The following BRWD1 variants were observed in gnomAD, a reference collection of about 807,000 sequenced individuals.
BRWD1 encodes the protein bromodomain and WD repeat domain containing 1, also known as bromodomain and WD repeat-containing protein 1.
Under a neutral mutation model 251.2 loss-of-function variants are expected in BRWD1, and 82 were observed. The observed-to-expected ratio is 0.33, with a 90% CI of 0.27 to 0.39. The LOEUF (loss-of-function observed/expected upper bound fraction) is 0.39. BRWD1 is among the 10% of genes least tolerant of loss of function. The pLI is 1.00. For synonymous variants in BRWD1, 918 were observed against 902.8 expected, an observed-to-expected ratio of 1.02 and a Z score of -0.30; for missense variants, 2,233 against 2,711.6, an observed-to-expected ratio of 0.82 and a Z score of 3.92.
chr21:39,314,119 G>A (rs1381217755), upstream of BRWD1: 1 of 456,014 alleles, frequency 2.2e-6, no homozygotes, highest in South Asian at 1.5e-5. Flanking sequence ...AGTGCGTCTT[G>A]CCCCGCACGG....
At chr21:39,278,104 C>G (rs1395485453) in intron 10 of BRWD1, among the ~76,000 whole-genome samples, 3 of 152,114 alleles carry the variant, frequency 2.0e-5, no homozygotes, top group Admixed American at 2.0e-4. Flanking sequence ...CCATCTCGGC[C>G]TCCCAAAGGA....
intron 8 of BRWD1, among the ~76,000 whole-genome samples, chr21:39,283,972 A>G (rs1568950826): frequency 6.6e-6 from 1 of 152,170 alleles, no homozygotes; most frequent in Non-Finnish European, 1.5e-5. Context: ...CTACAATCTC[A>G]TGTGTCTACT....
intron 4 of BRWD1, among the ~76,000 whole-genome samples, chr21:39,306,012 T>C (rs2036275342): frequency 1.3e-5 from 2 of 151,738 alleles, no homozygotes; most frequent in South Asian, 4.2e-4. Flanking sequence ...CAGTCCAGCC[T>C]GGACAACAAG....
chr21:39,213,636 C>G (rs2032758524), intron 32 of BRWD1, 83 bp from the exon 33 acceptor site: 3 of 913,170 alleles, frequency 3.3e-6, no homozygotes, highest in Non-Finnish European at 5.1e-6. Flanking sequence ...AAAATATAAA[C>G]AGTTCACCAA....
chr21:39,313,374 C>CCGGGGGAGT, intron 1 of BRWD1, 69 bp downstream of exon 1: 1 of 1,492,752 alleles, frequency 6.7e-7, no homozygotes. Flanking sequence ...GCCGGGGGAG[C>CCGGGGGAGT]CCGGGGAGCC....
intron 21 of BRWD1, among the ~76,000 whole-genome samples, chr21:39,240,903 T>TC (rs1182047603): frequency 6.6e-6 from 1 of 151,588 alleles, no homozygotes; most frequent in African/African-American, 2.4e-5. Context: ...AGTAAATCTT[T>TC]TTTTTTTTGT....
intron 19 of BRWD1, among the ~76,000 whole-genome samples, chr21:39,253,855 C>CA (rs1405403108): frequency 6.6e-6 from 1 of 152,340 alleles, no homozygotes; most frequent in Non-Finnish European, 1.5e-5. Flanking sequence ...GTTTCCATTT[C>CA]AATAACTCAA....
Position 39,258,550 on chromosome 21 carries a change from T to C in BRWD1, c.2008A>G (p.Met670Val), listed in dbSNP as rs1294544934. The change falls in exon 18 of 41, where the codon ATG (methionine) becomes GTG (valine). Residue 670 changes from methionine to valine, a missense_variant. Met to Val is a conservative substitution (Grantham distance 21). This residue lies in a region of BRWD1 where 73 missense variants were observed against 68.1 expected (regional missense o/e 1.07). Transcript: ENST00000342449. ...RQLQQQQDQR[M>V]GADQDTIPRG... is the part of the protein sequence containing the mutation. ...GGAATAGTATCCTGATCTGCTCCCATTCTCTGATCTTGCTGCTGCTGCAAC... is the reference window on the plus strand; with the variant it reads ...GGAATAGTATCCTGATCTGCTCCCACTCTCTGATCTTGCTGCTGCTGCAAC... The C allele has an allele frequency of 6.8e-6, 11 of 1,613,454 alleles. No homozygotes were observed. Among genetic ancestry groups the C allele is most frequent in the Admixed American group, 3.3e-5 (2 of 59,938 alleles).
chr21:39,202,629 TATC>T, intron 37 of BRWD1, 84 bp from the exon 38 acceptor site: 1 of 843,612 alleles, frequency 1.2e-6, no homozygotes, highest in Non-Finnish European at 1.8e-6. Context: ...AATAGAAGTA[TATC>T]ATATTTCTTA....
chr21:39,280,066 A>C (rs547031747), intron 9 of BRWD1, 82 bp downstream of exon 9: 12 of 1,043,570 alleles, frequency 1.1e-5, no homozygotes, highest in Admixed American at 9.2e-5. Context: ...ACAATTTCTC[A>C]TAACAATAAA....
Position 39,213,562 on chromosome 21 carries a change from C to G in BRWD1, c.3786-9G>C, listed in dbSNP as rs78657421. The G allele has an allele frequency of 2.1e-3, 3,347 of 1,578,314 alleles. 52 individuals carry two copies. In the East Asian group the frequency reaches 0.037, roughly 17 times the overall value. On this transcript the variant is annotated splice_polypyrimidine_tract_variant and intron_variant, in intron 32 of 40. Coordinates refer to ENST00000342449, the MANE Select transcript of BRWD1 (RefSeq NM_033656.4). Reference sequence around the variant, plus strand: ...TTGTACAGTGTTGATTCCTAAAAAACAAATTTTCACTTTAATAGTATGCAG... The same window carrying G: ...TTGTACAGTGTTGATTCCTAAAAAAGAAATTTTCACTTTAATAGTATGCAG...
intron 4 of BRWD1, among the ~76,000 whole-genome samples, chr21:39,306,072 CTTTTTT>C (rs1294724280): frequency 7.3e-6 from 1 of 136,408 alleles, no homozygotes; most frequent in African/African-American, 2.7e-5. Context: ...CTTTAAGTAT[CTTTTTT>C]TTTTTTTTTT....
intron 4 of BRWD1, among the ~76,000 whole-genome samples, chr21:39,304,737 GAA>G (rs910778281): frequency 2.0e-5 from 3 of 152,158 alleles, no homozygotes; most frequent in African/African-American, 7.2e-5. Context: ...GAAAAGGACA[GAA>G]AAAGATACAC....
intron 4 of BRWD1, among the ~76,000 whole-genome samples, chr21:39,309,288 G>GA (rs112335234): frequency 0.62 from 90,776 of 147,148 alleles, 28,008 homozygotes; most frequent in African/African-American, 0.67. Context: ...TTCTCTAGGG[G>GA]AAAAAAAAAA....
At chr21:39,213,914 A>G (rs1273093590) in intron 32 of BRWD1, among the ~76,000 whole-genome samples, 2 of 149,814 alleles carry the variant, frequency 1.3e-5, no homozygotes. Flanking sequence ...GGTAAAAAAA[A>G]TATATATATA....
chr21:39,193,487 T>C lies in BRWD1; in HGVS notation c.*2772A>G, dbSNP rs542799898. 4.1e-6 allele frequency: 4 copies of C among 985,246 alleles called. No homozygotes were observed. In the South Asian group the frequency reaches 1.4e-4, roughly 35 times the overall value. The allele number at this position is 985,246 out of a possible 1,614,324, so 61.0% of individuals were successfully genotyped here. A position where few individuals can be genotyped will look rare whatever the true frequency, so the allele number is the denominator to read the frequency against. On this transcript the variant is annotated 3_prime_UTR_variant, in exon 41 of 41. Coordinates refer to ENST00000342449, the MANE Select transcript of BRWD1 (RefSeq NM_033656.4). ...TCAATGTTTGAAATCATTTTTCCTT[T>C]ATATGCTTGGTAAAGTGAGTCTTTC...
chr21:39,213,623 A>T (rs1251799828), intron 32 of BRWD1, 70 bp from the exon 33 acceptor site: 2 of 1,039,524 alleles, frequency 1.9e-6, no homozygotes, highest in African/African-American at 1.6e-5. Context: ...CAAATTATAC[A>T]TTAAAATATA....
intron 4 of BRWD1, among the ~76,000 whole-genome samples, chr21:39,309,342 T>A (rs75794179): frequency 0.059 from 8,854 of 149,720 alleles, 387 homozygotes; most frequent in East Asian, 0.19. Context: ...TCCCAGCTAC[T>A]CAGGAGGTGG....
In BRWD1 at chr21:39,194,730, TAC is replaced by T. The variant is rs1568849993; in HGVS notation, c.*1527_*1528del. ...TTCGCCTTGTCTGCCACTTCAAAGA[TAC>T]ACAGGAGAAAAGGTTTTGTCTGAAA... On this transcript the variant is annotated 3_prime_UTR_variant, in exon 41 of 41. Coordinates refer to ENST00000342449, the MANE Select transcript of BRWD1 (RefSeq NM_033656.4). The T allele has an allele frequency of 6.5e-7, 1 of 1,535,302 alleles. No individual in the cohort carries two copies. The highest frequency in any genetic ancestry group is 8.7e-7 in the Non-Finnish European group (1 of 1,146,056).
Sources: gnomAD v4.1 joint callset for allele counts (sites outside exome capture counted in the v4.1 genomes callset) on GRCh38, gnomAD v4.1.1 for gene constraint, gnomAD v4.1.1 regional missense constraint, MANE v1.5 for transcripts, NCBI Gene and HGNC (gene_info 2026-07-23, HGNC 2026-07-21) for gene names.